The following P2RY8 variants were observed in gnomAD, a reference collection of about 807,000 sequenced individuals.
The protein encoded by P2RY8 is S-geranylgeranyl-glutathione receptor P2RY8.
A neutral mutation model predicts 10.0 loss-of-function variants in P2RY8; 6 were observed. That is an observed-to-expected ratio of 0.60 (90% CI 0.33 to 1.19). P2RY8 has a LOEUF of 1.19. Among genes scored for constraint, P2RY8 ranks in the 50% most tolerant of loss-of-function variants. The probability of loss-of-function intolerance (pLI) is 0.04; values close to 1 mark genes in which losing one functional copy is unlikely to be tolerated. For missense variants in P2RY8, 456 were observed against 542.0 expected, an observed-to-expected ratio of 0.84 and a Z score of 1.58; for synonymous variants, 276 against 252.5, an observed-to-expected ratio of 1.09 and a Z score of -0.88.
intron 1 of P2RY8, among the ~76,000 whole-genome samples, chrX:1,468,755 TCTCCCCTCTCCCCTCTCCCCTC>T (rs1569536426): frequency 1.9e-3 from 1 of 530 alleles, no homozygotes. Flanking sequence ...CTCTCTCCCC[TCTCCCCTCTCCCCTCTCCCCTC>T]TCCCTCTCCC....
intron 1 of P2RY8, among the ~76,000 whole-genome samples, chrX:1,536,087 C>T (rs1186687666): frequency 2.5e-4 from 38 of 152,042 alleles, no homozygotes; most frequent in Non-Finnish European, 8.8e-5. Context: ...ATTATTGGAA[C>T]GCTAAGCATT....
chrX:1,519,823 A>G (rs1335816588), intron 1 of P2RY8, among the ~76,000 whole-genome samples: 2 of 149,820 alleles, frequency 1.3e-5, no homozygotes, highest in African/African-American at 4.9e-5. Flanking sequence ...CCCCAATCAT[A>G]TACTTGGTCC....
intron 1 of P2RY8, among the ~76,000 whole-genome samples, chrX:1,499,849 T>C (rs1370032537): frequency 9.9e-6 from 1 of 101,274 alleles, no homozygotes; most frequent in Non-Finnish European, 2.3e-5. Flanking sequence ...TTTTTTGTTT[T>C]GTTTTGTTTT....
At chrX:1,518,601 A>G (rs2092368927) in intron 1 of P2RY8, among the ~76,000 whole-genome samples, 1 of 151,608 alleles carries the variant, frequency 6.6e-6, no homozygotes, top group African/African-American at 2.4e-5. Context: ...GCTGGGCCCA[A>G]TGGTCTCCCT....
In P2RY8 at chrX:1,465,119, A is replaced by T; in HGVS notation, c.*360T>A. 1 of 366,076 alleles carries T rather than the reference A, an allele frequency of 2.7e-6. No individual in the cohort carries two copies. The highest frequency in any genetic ancestry group is 5.0e-6 in the Non-Finnish European group (1 of 200,958). 22.7% of individuals were successfully genotyped at this position (366,076 alleles called of 1,614,324 possible). A position where few individuals can be genotyped will look rare whatever the true frequency, so the allele number is the denominator to read the frequency against. On this transcript the variant is annotated 3_prime_UTR_variant, in exon 2 of 2. Transcript: ENST00000381297. ...TATGGACAGGTGTGAGGAGTGTCTA[A>T]GGAGCTCGGGGGTGACAGCCCAGCT...
chrX:1,524,821 C>G (rs1384017178), intron 1 of P2RY8, among the ~76,000 whole-genome samples: 7 of 118,592 alleles, frequency 5.9e-5, no homozygotes, highest in Non-Finnish European at 1.1e-4. Context: ...ATCCATCCAT[C>G]CATCCATCCA....
At chrX:1,531,725 C>A (rs1227543309) in intron 1 of P2RY8, among the ~76,000 whole-genome samples, 16 of 152,184 alleles carry the variant, frequency 1.1e-4, no homozygotes, top group Admixed American at 9.2e-4. Context: ...GGCACCAGCA[C>A]CTTTCCCCTG....
At position 1,514,587 on chromosome X, in the gene P2RY8, TTTCCC is replaced by T. The variant is rs1262838417; in HGVS notation, c.-25+22329_-25+22333del. Among the ~76,000 whole-genome samples the T allele has an allele frequency of 8.1e-4, 21 of 25,946 alleles. 1 individual carries two copies. The highest frequency in any genetic ancestry group is 3.5e-3 in the Admixed American group (8 of 2,312). The allele number at this position is 25,946 out of a possible 152,430, so 17.0% of individuals were successfully genotyped here. On this transcript the variant is annotated intron_variant, in intron 1 of 1. Transcript: ENST00000381297. ...CTTCCCTCCCTTCCCTTCCTTTTCC[TTTCCC>T]TTCCCTTCCCTTTCCTCCCCTCCCT... is the stretch of plus-strand genomic sequence containing the variant.
At chrX:1,488,736 GT>G (rs2092011096) in intron 1 of P2RY8, among the ~76,000 whole-genome samples, 1 of 113,206 alleles carries the variant, frequency 8.8e-6, no homozygotes, top group African/African-American at 8.5e-5. Context: ...AATGCAGGGT[GT>G]GTGTGTGTGT....
intron 1 of P2RY8, among the ~76,000 whole-genome samples, chrX:1,493,349 G>GAA (rs2092074957): frequency 1.2e-5 from 1 of 86,296 alleles, no homozygotes; most frequent in Non-Finnish European, 2.4e-5. Flanking sequence ...GGGAGGGGAG[G>GAA]GGAGGGGAGG....
intron 1 of P2RY8, among the ~76,000 whole-genome samples, chrX:1,530,159 TC>T (rs1238900071): frequency 0.033 from 89 of 2,712 alleles, no homozygotes; most frequent in African/African-American, 0.047. Flanking sequence ...GTATGTATGA[TC>T]TATCTATCTA....
rs28655732 is a variant in P2RY8 at position 1,463,615 on chromosome X, A to G, written c.*1864T>C. ...AGTTCCTTATTACCGAATAAAATCT[A>G]TAATAATTTCAGGTTCTGGGCTTTA... On this transcript the variant is annotated 3_prime_UTR_variant, in exon 2 of 2. Coordinates refer to ENST00000381297, the MANE Select transcript of P2RY8 (RefSeq NM_178129.5). 3 of 232,784 alleles carry G rather than the reference A, an allele frequency of 1.3e-5. No individual in the cohort carries two copies. The highest frequency in any genetic ancestry group is 4.4e-5 in the African/African-American group (2 of 45,294). The allele number at this position is 232,784 out of a possible 1,614,324, so 14.4% of individuals were successfully genotyped here.
intron 1 of P2RY8, among the ~76,000 whole-genome samples, chrX:1,520,580 C>G (rs1322413604): frequency 1.3e-5 from 2 of 151,172 alleles, no homozygotes; most frequent in African/African-American, 4.9e-5. Context: ...CCTCAATTAT[C>G]TCATTGGTCC....
chrX:1,507,898 C>G (rs764731580), intron 1 of P2RY8, among the ~76,000 whole-genome samples: 2 of 152,280 alleles, frequency 1.3e-5, no homozygotes, highest in East Asian at 3.9e-4. Flanking sequence ...TGAATCAAGC[C>G]AGCCCCGTCT....
intron 1 of P2RY8, among the ~76,000 whole-genome samples, chrX:1,508,713 TCTATCTA>T (rs1569538043): frequency 4.2e-4 from 25 of 59,458 alleles, no homozygotes; most frequent in Non-Finnish European, 8.3e-4. Flanking sequence ...ATTCTATCTA[TCTATCTA>T]TCTATCTATC....
Position 1,464,298 on chromosome X carries a change from G to A in P2RY8, c.*1181C>T, listed in dbSNP as rs1483181921. ...AACCAGCTCAGGTGTTGGGGCTGGT[G>A]CAGGCACATGCCGTGTAGAAGAAGA... On this transcript the variant is annotated 3_prime_UTR_variant, in exon 2 of 2. Coordinates refer to ENST00000381297, the MANE Select transcript of P2RY8 (RefSeq NM_178129.5). 1.3e-5 allele frequency: 3 copies of A among 233,322 alleles called. No individual in the cohort carries two copies. Among genetic ancestry groups the A allele is most frequent in the Admixed American group, 5.6e-5 (1 of 17,778 alleles). 14.5% of individuals were successfully genotyped at this position (233,322 alleles called of 1,614,324 possible).
In P2RY8 at chrX:1,472,666, G is replaced by A. The variant is rs761395516; in HGVS notation, c.-24-6084C>T. ...TGGGTAGATGGATGGGAGGATGTAT[G>A]GATGAATGCATGGATGGGTGGATGG... On this transcript the variant is annotated intron_variant, in intron 1 of 1. Coordinates refer to ENST00000381297, the MANE Select transcript of P2RY8 (RefSeq NM_178129.5). Among the ~76,000 whole-genome samples the A allele has an allele frequency of 3.4e-3, 430 of 127,354 alleles. 4 individuals carry two copies. The highest frequency in any genetic ancestry group is 0.012 in the African/African-American group (383 of 32,422). 83.5% of individuals were successfully genotyped at this position (127,354 alleles called of 152,430 possible). A position where few individuals can be genotyped will look rare whatever the true frequency, so the allele number is the denominator to read the frequency against.
chrX:1,501,265 C>T (rs1427135713), intron 1 of P2RY8, among the ~76,000 whole-genome samples: 1 of 152,168 alleles, frequency 6.6e-6, no homozygotes, highest in Non-Finnish European at 1.5e-5. Context: ...ATATCAGACC[C>T]CTGGAAGCAC....
intron 1 of P2RY8, among the ~76,000 whole-genome samples, chrX:1,520,088 A>G (rs2092380012): frequency 6.7e-6 from 1 of 149,406 alleles, no homozygotes; most frequent in Non-Finnish European, 1.5e-5. Flanking sequence ...ATCTCCAATT[A>G]TCACCTTGGT....
Sources: gnomAD v4.1 joint callset for allele counts (sites outside exome capture counted in the v4.1 genomes callset) on GRCh38, gnomAD v4.1.1 for gene constraint, MANE v1.5 for transcripts, NCBI Gene and HGNC (gene_info 2026-07-23, HGNC 2026-07-21) for gene names.